Variants in ENTPD8 observed in about 807,000 individuals in gnomAD.
ENTPD8 encodes ectonucleoside triphosphate diphosphohydrolase 8, also known as E-NTPDase 8.
A neutral mutation model predicts 47.0 loss-of-function variants in ENTPD8; 35 were observed. The observed-to-expected ratio is 0.75, with a 90% CI of 0.57 to 0.99. The LOEUF is 0.99. Among genes scored for constraint, ENTPD8 ranks in the 50% least tolerant of loss-of-function variants. The pLI, the probability that ENTPD8 is intolerant of heterozygous loss-of-function variation, is 0.00. For missense variants in ENTPD8, 668 were observed against 649.9 expected (o/e 1.03, Z -0.30); for synonymous variants, 308 against 290.5 (o/e 1.06, Z -0.61).
rs769682722 is a variant in ENTPD8 at position 137,436,706 on chromosome 9, C to A, written c.601G>T (p.Val201Leu). The change falls in exon 6 of 10, where the codon GTG becomes TTG. Residue 201 changes from valine to leucine, a missense_variant. By Grantham distance (32) the Val-to-Leu change is conservative. Transcript: ENST00000371506. ...GCCCCTCCCATGTCCAGGGCACCCA[C>A]CAGCATCTCCTCCGGAGGCTGGATC... is the stretch of plus-strand genomic sequence containing the variant. ...EWIQPPEEML[V>L]GALDMGGAST... The A allele has an allele frequency of 8.1e-6, 13 of 1,598,960 alleles. No individual in the cohort carries two copies.
Position 137,437,196 on chromosome 9 carries a change from T to C in ENTPD8, c.358A>G (p.Thr120Ala), listed in dbSNP as rs1179063358. The C allele has an allele frequency of 1.2e-6, 2 of 1,612,826 alleles. No homozygotes were observed. The highest frequency in any genetic ancestry group is 8.5e-7 in the Non-Finnish European group (1 of 1,179,948). Residue 120 changes from threonine (T) to alanine (A), a missense_variant, in exon 4 of 10, where the codon ACG (threonine) becomes GCG (alanine). Transcript: ENST00000371506. Reference protein sequence around the residue: ...IPEAQHRKTPTFLGATAGMRL... With the variant: ...IPEAQHRKTPAFLGATAGMRL... ...ATGCCAGCCGTGGCCCCCAGGAACG[T>C]GGGTGTTTTCCGATGCTGGGCCTCT...
At position 137,436,683 on chromosome 9, in the gene ENTPD8, C is replaced by T; in HGVS notation, c.624G>A (p.Gly208=). Residue 208 remains glycine, a synonymous_variant, in exon 6 of 10, where the codon GGG becomes GGA. Coordinates refer to ENST00000371506, the MANE Select transcript of ENTPD8 (RefSeq NM_001033113.2). ...EMLVGALDMG[G]ASTQITFVPG... is the part of the protein sequence containing the mutation. ...GCACGAACGTGATCTGGGTGGAGGC[C>T]CCTCCCATGTCCAGGGCACCCACCA... 5.6e-6 allele frequency: 9 copies of T among 1,598,270 alleles called. No individual in the cohort carries two copies. Among genetic ancestry groups the T allele is most frequent in the Non-Finnish European group, 7.7e-6 (9 of 1,172,918 alleles).
chr9:137,435,161 T>TGCCCAC (rs766611901), intron 9 of ENTPD8, 43 bp downstream of exon 9: 37 of 1,601,856 alleles, frequency 2.3e-5, no homozygotes, highest in Middle Eastern at 1.7e-4. Flanking sequence ...GACCACGACC[T>TGCCCAC]GCCCACGCCC....
intron 1 of ENTPD8, among the ~76,000 whole-genome samples, chr9:137,440,139 C>G (rs1588481317): frequency 1.5e-5 from 1 of 68,028 alleles, no homozygotes; most frequent in Non-Finnish European, 2.9e-5. Flanking sequence ...CCAGGACAGC[C>G]CCCCCAGACC....
At chr9:137,439,761 A>AC (rs1284076644) in intron 1 of ENTPD8, among the ~76,000 whole-genome samples, 2 of 151,504 alleles carry the variant, frequency 1.3e-5, no homozygotes, top group African/African-American at 2.4e-5. Context: ...GCCACCTGAG[A>AC]CCCCCAGGCC....
In ENTPD8 at chr9:137,438,227, G is replaced by A; in HGVS notation, c.59C>T (p.Ser20Leu). Residue 20 changes from serine to leucine, a missense_variant, in exon 2 of 10, where the codon TCA (serine) becomes TTA (leucine). Transcript: ENST00000371506. This position sits in a 1 kb window ranked among gnomAD's most constrained non-coding sequence, Gnocchi z 5.7. ...GAGGAGAATGAGTGCCGTGAGGCCT[G>A]AGACCCCCGAGGCCCCCAGCAGGGC... ...FLALLGASGV[S>L]GLTALILLLV... 6.2e-7 allele frequency: 1 copy of A among 1,603,182 alleles called. No homozygotes were observed. Among genetic ancestry groups the A allele is most frequent in the Non-Finnish European group, 8.5e-7 (1 of 1,175,514 alleles).
In ENTPD8 at chr9:137,435,764, C is replaced by T. The variant is rs376246720; in HGVS notation, c.1116G>A (p.Thr372=). 5.3e-5 allele frequency: 86 copies of T among 1,613,392 alleles called. No individual in the cohort carries two copies. The highest frequency in any genetic ancestry group is 4.2e-4 in the East Asian group (19 of 44,880). Residue 372 remains threonine (T), a synonymous_variant, in exon 8 of 10, where the codon ACG becomes ACA. Transcript: ENST00000371506. ...AAAACTCCCAGATGGTGGCGTTGAC[C>T]GTGCTCAGGGGCTGCCTGGAGGTGA... ...LNLTSRQPLS[T]VNATIWEFCQ...
At chr9:137,436,414 C>A in intron 6 of ENTPD8, 107 bp downstream of exon 6, 1 of 1,320,566 alleles carries the variant, frequency 7.6e-7, no homozygotes. Flanking sequence ...ACGCCAGCCC[C>A]GCGCCCATAC....
In ENTPD8 at chr9:137,438,233, C is replaced by T. The variant is rs1839424202; in HGVS notation, c.53G>A (p.Gly18Glu). The T allele has an allele frequency of 2.5e-6, 4 of 1,601,880 alleles. No individual in the cohort carries two copies. Among genetic ancestry groups the T allele is most frequent in the Non-Finnish European group, 3.4e-6 (4 of 1,174,792 alleles). Residue 18 changes from glycine (G) to glutamate (E), a missense_variant, in exon 2 of 10, where the codon GGG becomes GAG. By Grantham distance (98) the Gly-to-Glu change is moderately conservative. Coordinates refer to ENST00000371506, the MANE Select transcript of ENTPD8 (RefSeq NM_001033113.2). The surrounding 1 kb of genome is among the most constrained non-coding windows in gnomAD (Gnocchi z 5.7). ...QVFLALLGAS[G>E]VSGLTALILL... The stretch of plus-strand genomic sequence containing the variant: ...AATGAGTGCCGTGAGGCCTGAGACC[C>T]CCGAGGCCCCCAGCAGGGCCAAGAA...
rs976614776 is a variant in ENTPD8, at chr9:137,438,628, C to T, written c.-20-323G>A. 2.1e-5 allele frequency among the ~76,000 whole-genome samples: 3 copies of T among 145,680 alleles called. No homozygotes were observed. Among genetic ancestry groups the T allele is most frequent in the Non-Finnish European group, 4.6e-5 (3 of 64,522 alleles). On this transcript the variant is annotated intron_variant, in intron 1 of 9. Transcript: ENST00000371506. The surrounding 1 kb of genome is among the most constrained non-coding windows in gnomAD (Gnocchi z 5.7). ...GGCCTCCCGTGGCCATAGAGGCATC[C>T]CCGGGGCTCAGACGGTCTCCCGTGG...
Position 137,436,048 on chromosome 9 carries a change from C to T in ENTPD8, c.1015G>A (p.Gly339Arg), listed in dbSNP as rs771831745. 3.3e-5 allele frequency: 54 copies of T among 1,612,786 alleles called. No homozygotes were observed. Among genetic ancestry groups the T allele is most frequent in the East Asian group, 6.7e-5 (3 of 44,898 alleles). The change falls in exon 7 of 10, where the codon GGG becomes AGG. Residue 339 changes from glycine (G) to arginine (R), a missense_variant. Transcript: ENST00000371506. ...CCCCGCAGCGGGGGCTGGTAGACCCCGTCAAAGGCGCAGTCCTCCTGGCCC... is the reference window on the plus strand; with the variant it reads ...CCCCGCAGCGGGGGCTGGTAGACCCTGTCAAAGGCGCAGTCCTCCTGGCCC... The part of the protein sequence containing the change: ...CQGQEDCAFD[G>R]VYQPPLRGQF...
Position 137,434,503 on chromosome 9 carries a change from C to T in ENTPD8, c.*411G>A, listed in dbSNP as rs192460477. The T allele has an allele frequency of 7.5e-5, 79 of 1,047,190 alleles. 1 individual carries two copies. Among genetic ancestry groups the T allele is most frequent in the South Asian group, 4.7e-4 (29 of 61,896 alleles). The allele number at this position is 1,047,190 out of a possible 1,614,324, so 64.9% of individuals were successfully genotyped here. ...TCTGCTCAGACAACAGCAGGGAGAGCGGGGGTCCAGGTGGGGCAGCTCCCT... is the reference window on the plus strand; with the variant it reads ...TCTGCTCAGACAACAGCAGGGAGAGTGGGGGTCCAGGTGGGGCAGCTCCCT... On this transcript the variant is annotated 3_prime_UTR_variant, in exon 10 of 10. Transcript: ENST00000371506.
At position 137,435,284 on chromosome 9, in the gene ENTPD8, C is replaced by T; in HGVS notation, c.1216G>A (p.Gly406Ser). 1.9e-6 allele frequency: 3 copies of T among 1,612,540 alleles called. No homozygotes were observed. Among genetic ancestry groups the T allele is most frequent in the South Asian group, 1.1e-5 (1 of 91,080 alleles). The stretch of plus-strand genomic sequence containing the variant: ...TGCAGGAGGGTGAGGATGTACAGGC[C>T]TGAGGCACAGTAGTCCCGCAGCCAG... The part of the protein sequence containing the change: ...DRWLRDYCAS[G>S]LYILTLLHEG... Residue 406 changes from glycine to serine, a missense_variant, in exon 9 of 10, where the codon GGC (glycine) becomes AGC (serine). Coordinates refer to ENST00000371506, the MANE Select transcript of ENTPD8 (RefSeq NM_001033113.2).
chr9:137,435,618 G>A, intron 8 of ENTPD8, 101 bp downstream of exon 8: 1 of 1,243,274 alleles, frequency 8.0e-7, no homozygotes, highest in Non-Finnish European at 1.1e-6. Flanking sequence ...CCCCGGCCCT[G>A]CTGGCCGTGC....
intron 1 of ENTPD8, among the ~76,000 whole-genome samples, chr9:137,439,463 C>A (rs1289625810): frequency 6.6e-6 from 1 of 152,172 alleles, no homozygotes; most frequent in East Asian, 1.9e-4. Flanking sequence ...AACGTTGCAC[C>A]CACACTGAGT....
chr9:137,434,609 G>A lies in ENTPD8; in HGVS notation c.*305C>T. 1 of 582,244 alleles carries A rather than the reference G, an allele frequency of 1.7e-6. No individual in the cohort carries two copies. The highest frequency in any genetic ancestry group is 3.0e-6 in the Non-Finnish European group (1 of 338,048). The allele number at this position is 582,244 out of a possible 1,614,324, so 36.1% of individuals were successfully genotyped here. On this transcript the variant is annotated 3_prime_UTR_variant, in exon 10 of 10. Transcript: ENST00000371506. ...CCTCCGTGGTCTTGCCCTGTTTGCA[G>A]GCAGCATGTGGCCCTGCAGTCACAC...
intron 9 of ENTPD8, 29 bp from the exon 10 acceptor site, chr9:137,435,134 C>T (rs567186934): frequency 1.4e-5 from 23 of 1,602,248 alleles, no homozygotes; most frequent in East Asian, 2.2e-5. Flanking sequence ...CTCAGGGCTG[C>T]GGGGCAGCTA....
At position 137,434,504 on chromosome 9, in the gene ENTPD8, G is replaced by C. The variant is rs570584205; in HGVS notation, c.*410C>G. On this transcript the variant is annotated 3_prime_UTR_variant, in exon 10 of 10. Coordinates refer to ENST00000371506, the MANE Select transcript of ENTPD8 (RefSeq NM_001033113.2). ...CTGCTCAGACAACAGCAGGGAGAGC[G>C]GGGGTCCAGGTGGGGCAGCTCCCTC... 614 of 1,029,412 alleles carry C rather than the reference G, an allele frequency of 6.0e-4. 3 individuals carry two copies. The African/African-American group carries it at 8.9e-3, about 15-fold the overall frequency. The allele number at this position is 1,029,412 out of a possible 1,614,324, so 63.8% of individuals were successfully genotyped here.
In ENTPD8 at chr9:137,438,424, T is replaced by A. The variant is rs1839428728; in HGVS notation, c.-20-119A>T. 3 of 1,152,924 alleles carry A rather than the reference T, an allele frequency of 2.6e-6. No homozygotes were observed. The highest frequency in any genetic ancestry group is 3.5e-6 in the Non-Finnish European group (3 of 850,562). The allele number at this position is 1,152,924 out of a possible 1,614,324, so 71.4% of individuals were successfully genotyped here. A position where few individuals can be genotyped will look rare whatever the true frequency, so the allele number is the denominator to read the frequency against. ...CGCACCCCTGGACAGCCACTTGCCT[T>A]AGAGGCATCTCCGGGGCTCAGACGC... On this transcript the variant is annotated intron_variant, in intron 1 of 9. Coordinates refer to ENST00000371506, the MANE Select transcript of ENTPD8 (RefSeq NM_001033113.2). The surrounding 1 kb of genome is among the most constrained non-coding windows in gnomAD (Gnocchi z 5.7).
Sources: gnomAD v4.1 joint callset for allele counts (sites outside exome capture counted in the v4.1 genomes callset) on GRCh38, gnomAD v4.1.1 for gene constraint, Gnocchi (gnomAD v3.1) non-coding constraint, MANE v1.5 for transcripts, NCBI Gene and HGNC (gene_info 2026-07-23, HGNC 2026-07-21) for gene names.